CCDC192: variants seen among roughly 807,000 people sequenced by gnomAD.
The protein encoded by CCDC192 is coiled-coil domain-containing protein 192.
At chr5:127,736,385 A>C (rs1280095319) in intron 2 of CCDC192, among the ~76,000 whole-genome samples, 1 of 150,490 alleles carries the variant, frequency 6.6e-6, no homozygotes. Flanking sequence ...TTGGTCTAAA[A>C]TTCTCTTTTT....
intron 2 of CCDC192, among the ~76,000 whole-genome samples, chr5:127,726,503 C>T (rs1214729649): frequency 5.3e-5 from 8 of 152,194 alleles, no homozygotes; most frequent in Non-Finnish European, 1.2e-4. Flanking sequence ...CCCCAAAGAA[C>T]CTGTCTAACA....
chr5:127,729,535 A>C (rs1752521830), intron 2 of CCDC192, among the ~76,000 whole-genome samples: 1 of 152,244 alleles, frequency 6.6e-6, no homozygotes, highest in Admixed American at 6.5e-5. Flanking sequence ...ATGTATCTGC[A>C]GAACTCTCCA....
chr5:127,893,370 G>A (rs1310533807), intron 6 of CCDC192, among the ~76,000 whole-genome samples: 1 of 152,168 alleles, frequency 6.6e-6, no homozygotes, highest in Admixed American at 6.5e-5. Flanking sequence ...TGGGAGCAAT[G>A]CACATATAAA....
intron 6 of CCDC192, among the ~76,000 whole-genome samples, chr5:127,918,282 A>G (rs190343448): frequency 2.6e-4 from 40 of 151,850 alleles, no homozygotes; most frequent in Admixed American, 2.6e-3. Flanking sequence ...TAAATGAGAT[A>G]TGCCCCTGTC....
chr5:127,743,231 C>G (rs770205628), intron 2 of CCDC192, among the ~76,000 whole-genome samples: 52 of 152,108 alleles, frequency 3.4e-4, no homozygotes, highest in Non-Finnish European at 6.2e-4. Flanking sequence ...CTCAAGCTTT[C>G]TTTCTAGACT....
chr5:127,882,386 C>CT (rs1322231769), intron 6 of CCDC192, among the ~76,000 whole-genome samples: 2 of 152,146 alleles, frequency 1.3e-5, no homozygotes, highest in Non-Finnish European at 2.9e-5. Flanking sequence ...CACCCCTAGG[C>CT]ACTCAGCTCA....
At chr5:127,917,969 G>A (rs557261422) in intron 6 of CCDC192, among the ~76,000 whole-genome samples, 72 of 151,950 alleles carry the variant, frequency 4.7e-4, no homozygotes, top group African/African-American at 1.7e-3. Context: ...GTGAGACCTC[G>A]TCTCTACAAA....
At chr5:127,876,826 T>C (rs1251971153) in intron 6 of CCDC192, among the ~76,000 whole-genome samples, 1 of 152,210 alleles carries the variant, frequency 6.6e-6, no homozygotes, top group Non-Finnish European at 1.5e-5. Flanking sequence ...GAATTTGATA[T>C]TCATTTTCAA....
rs577605512 is a variant in CCDC192 at position 127,843,394 on chromosome 5, G to A, written c.412-32144G>A. ...CAATTTTTTGCCAGGGATTTAAGCC[G>A]TTGTTGATTTTATTATCATTTACAC... On this transcript the variant is annotated intron_variant, in intron 5 of 6. Coordinates refer to ENST00000514853, the MANE Select transcript of CCDC192 (RefSeq NM_001317938.2). Among the ~76,000 whole-genome samples, 15 of 149,874 alleles carry A rather than the reference G, an allele frequency of 1.0e-4. No homozygotes were observed. The South Asian group carries it at 2.1e-3, about 21-fold the overall frequency.
intron 6 of CCDC192, among the ~76,000 whole-genome samples, chr5:127,931,082 G>A (rs1332326678): frequency 6.6e-6 from 1 of 152,148 alleles, no homozygotes; most frequent in Non-Finnish European, 1.5e-5. Flanking sequence ...TCTCAGGAGT[G>A]GGGGATTCAC....
chr5:127,871,664 C>T (rs1171385057), intron 5 of CCDC192, among the ~76,000 whole-genome samples: 1 of 152,072 alleles, frequency 6.6e-6, no homozygotes, highest in African/African-American at 2.4e-5. Context: ...TGTGGAAATA[C>T]CCAGAAATTT....
At chr5:127,786,921 C>A in intron 3 of CCDC192, 1 of 418,874 alleles carries the variant, frequency 2.4e-6, no homozygotes, top group Non-Finnish European at 4.6e-6. Context: ...CTCCATGTAT[C>A]TGGACCTGGT....
At chr5:127,748,539 T>C (rs1753923322) in intron 2 of CCDC192, among the ~76,000 whole-genome samples, 1 of 140,744 alleles carries the variant, frequency 7.1e-6, no homozygotes, top group Non-Finnish European at 1.6e-5. Flanking sequence ...AGTCAGGTAG[T>C]GTGATGCCTC....
At chr5:127,841,189 G>A (rs761527253) in intron 5 of CCDC192, among the ~76,000 whole-genome samples, 2 of 152,206 alleles carry the variant, frequency 1.3e-5, no homozygotes, top group Non-Finnish European at 2.9e-5. Context: ...ATTAGGATGT[G>A]GAGCAACAGT....
intron 2 of CCDC192, among the ~76,000 whole-genome samples, chr5:127,718,258 C>CA (rs1284175289): frequency 1.3e-5 from 2 of 152,030 alleles, no homozygotes; most frequent in Non-Finnish European, 2.9e-5. Context: ...TGTCAACAGA[C>CA]AAAGAAATTT....
intron 3 of CCDC192, among the ~76,000 whole-genome samples, chr5:127,792,525 C>CATATATATATATATATATATATAT (rs34017962): frequency 1.4e-3 from 193 of 141,214 alleles, no homozygotes; most frequent in African/African-American, 2.1e-3. Flanking sequence ...ATCACCATCT[C>CATATATATATATATATATATATAT]ATATATATAT....
intron 6 of CCDC192, among the ~76,000 whole-genome samples, chr5:127,930,113 G>A (rs1196763682): frequency 6.6e-6 from 1 of 152,214 alleles, no homozygotes; most frequent in Non-Finnish European, 1.5e-5. Context: ...TGATGCAGGA[G>A]AATCGCTTGA....
chr5:127,814,728 A>C (rs1302595228), intron 5 of CCDC192, among the ~76,000 whole-genome samples: 1 of 152,214 alleles, frequency 6.6e-6, no homozygotes, highest in South Asian at 2.1e-4. Flanking sequence ...AGACTTTAGA[A>C]TGACTTTCCA....
intron 6 of CCDC192, among the ~76,000 whole-genome samples, chr5:127,936,928 G>A (rs1290537838): frequency 6.6e-6 from 1 of 152,186 alleles, no homozygotes; most frequent in Non-Finnish European, 1.5e-5. Context: ...TACAGATGAG[G>A]GAGACTAGAT....
Sources: gnomAD v4.1 joint callset for allele counts (sites outside exome capture counted in the v4.1 genomes callset) on GRCh38, gnomAD v4.1.1 for gene constraint, MANE v1.5 for transcripts, NCBI Gene and HGNC (gene_info 2026-07-23, HGNC 2026-07-21) for gene names.